Variants in EYA1 observed in about 807,000 individuals in gnomAD.
The protein encoded by EYA1 is EYA transcriptional coactivator and phosphatase 1, also known as protein phosphatase EYA1.
Under a neutral mutation model 82.0 loss-of-function variants are expected in EYA1, and 16 were observed. The ratio of observed to expected loss-of-function variants is 0.20; its 90% CI spans 0.13 to 0.30. The LOEUF (loss-of-function observed/expected upper bound fraction) is 0.30, where lower values mean the gene tolerates loss of function less well. Among genes scored for constraint, EYA1 ranks in the 10% least tolerant of loss-of-function variants. The pLI is 1.00. For missense variants in EYA1, 633 were observed against 730.7 expected (o/e 0.87, Z 1.54); for synonymous variants, 261 against 264.4 (o/e 0.99, Z 0.12).
chr8:71,331,060 C>T (rs1306385940), intron 4 of EYA1, among the ~76,000 whole-genome samples: 1 of 151,880 alleles, frequency 6.6e-6, no homozygotes, highest in East Asian at 1.9e-4. Flanking sequence ...GAAACCCCAT[C>T]TCTACTAAAA....
chr8:71,460,512 C>T (rs1302653943), intron 2 of EYA1, among the ~76,000 whole-genome samples: 1 of 152,124 alleles, frequency 6.6e-6, no homozygotes, highest in Non-Finnish European at 1.5e-5. Flanking sequence ...TTAGAAGGGC[C>T]AGGAGGAGGC....
rs968859311 is a variant in EYA1 at position 71,471,178 on chromosome 8, A to G, written c.33+64566T>C. 4.6e-5 allele frequency among the ~76,000 whole-genome samples: 7 copies of G among 152,020 alleles called. No individual in the cohort carries two copies. In the South Asian group the frequency reaches 1.2e-3, roughly 27 times the overall value. On this transcript the variant is annotated intron_variant, in intron 2 of 18. Transcript: ENST00000643681. ...AGGACTCAATTAGAAGAGAGTCTGA[A>G]TTGCCTCTTACTCTGGGGAAAGGGT...
At chr8:71,478,104 T>C (rs182808161) in intron 2 of EYA1, among the ~76,000 whole-genome samples, 43 of 152,326 alleles carry the variant, frequency 2.8e-4, no homozygotes, top group South Asian at 4.1e-4. Flanking sequence ...GATGGTTGCA[T>C]ACATTGTGAA....
intron 2 of EYA1, among the ~76,000 whole-genome samples, chr8:71,411,706 A>G (rs1267790317): frequency 6.8e-6 from 1 of 147,750 alleles, no homozygotes; most frequent in African/African-American, 2.5e-5. Flanking sequence ...TTAGAATGGC[A>G]ATCATTAAAA....
chr8:71,211,681 A>G (rs1465471269), intron 16 of EYA1, among the ~76,000 whole-genome samples: 1 of 152,228 alleles, frequency 6.6e-6, no homozygotes, highest in Admixed American at 6.5e-5. Context: ...TTCATATATC[A>G]AACTTTGAAA....
chr8:71,452,643 A>G (rs1807490045), intron 2 of EYA1, among the ~76,000 whole-genome samples: 1 of 152,182 alleles, frequency 6.6e-6, no homozygotes, highest in African/African-American at 2.4e-5. Context: ...TCCGCTGCTG[A>G]TACCCAGGCA....
chr8:71,383,129 C>G lies in EYA1; in HGVS notation c.34-26618G>C, dbSNP rs1269945415. ...TGCATTACCAATTTATAAACTATGA[C>G]CTCATTTATGAAAATACAAATTTAC... On this transcript the variant is annotated intron_variant, in intron 2 of 18. Transcript: ENST00000643681. Among the ~76,000 whole-genome samples the G allele has an allele frequency of 2.0e-5, 3 of 151,476 alleles. No homozygotes were observed. The East Asian group carries it at 5.8e-4, about 29-fold the overall frequency.
At chr8:71,202,417 A>G (rs1463336566) in intron 17 of EYA1, among the ~76,000 whole-genome samples, 1 of 152,094 alleles carries the variant, frequency 6.6e-6, no homozygotes, top group Non-Finnish European at 1.5e-5. Context: ...ACTCAACACT[A>G]TCGGGAAAGG....
intron 2 of EYA1, among the ~76,000 whole-genome samples, chr8:71,432,694 A>C (rs1284885549): frequency 6.6e-6 from 1 of 152,206 alleles, no homozygotes; most frequent in Non-Finnish European, 1.5e-5. Flanking sequence ...CTCTTTAAAG[A>C]ATCTCTTTTC....
At chr8:71,274,881 T>G (rs750756955) in intron 9 of EYA1, among the ~76,000 whole-genome samples, 22 of 142,458 alleles carry the variant, frequency 1.5e-4, no homozygotes, top group Non-Finnish European at 2.9e-4. Flanking sequence ...AGAGAGAGAG[T>G]GAGCGAGCGA....
At chr8:71,467,012 G>C (rs1808821828) in intron 2 of EYA1, among the ~76,000 whole-genome samples, 1 of 151,874 alleles carries the variant, frequency 6.6e-6, no homozygotes, top group South Asian at 2.1e-4. Flanking sequence ...ACACCAGTTG[G>C]GAATAAAAAG....
chr8:71,542,399 CT>C (rs1191245058), intron 1 of EYA1, among the ~76,000 whole-genome samples: 1 of 152,116 alleles, frequency 6.6e-6, no homozygotes, highest in Non-Finnish European at 1.5e-5. Flanking sequence ...TGACCTTATT[CT>C]TTTCTTGGCT....
intron 2 of EYA1, among the ~76,000 whole-genome samples, chr8:71,487,504 T>C (rs562618082): frequency 6.6e-6 from 1 of 152,338 alleles, no homozygotes; most frequent in African/African-American, 2.4e-5. Flanking sequence ...TGCCCTCCTA[T>C]AAGTTCTTGC....
At chr8:71,237,707 C>T (rs553858048) in intron 12 of EYA1, among the ~76,000 whole-genome samples, 2 of 152,272 alleles carry the variant, frequency 1.3e-5, no homozygotes, top group Admixed American at 6.5e-5. Context: ...ACTGGGTCCT[C>T]CTATGGGCCA....
chr8:71,384,030 A>G (rs978496887), intron 2 of EYA1, among the ~76,000 whole-genome samples: 1 of 150,502 alleles, frequency 6.6e-6, no homozygotes, highest in East Asian at 1.9e-4. Flanking sequence ...TTTTTTTTTT[A>G]AATTCATTGC....
chr8:71,390,261 T>C (rs1449007337), intron 2 of EYA1, among the ~76,000 whole-genome samples: 1 of 151,856 alleles, frequency 6.6e-6, no homozygotes, highest in African/African-American at 2.4e-5. Context: ...AAAAGTGAAA[T>C]TGGATAATTC....
chr8:71,199,144 A>G lies in EYA1; in HGVS notation c.*196T>C, dbSNP rs1806604868. 1.4e-5 allele frequency: 9 copies of G among 648,110 alleles called. No homozygotes were observed. The highest frequency in any genetic ancestry group is 2.2e-5 in the Non-Finnish European group (8 of 355,878). 40.1% of individuals were successfully genotyped at this position (648,110 alleles called of 1,614,324 possible). ...TTATTTTCACTGGATTCACAGTACTAGAGTCAACAGCTGTTCTGATGAAAT... is the reference window on the plus strand; with the variant it reads ...TTATTTTCACTGGATTCACAGTACTGGAGTCAACAGCTGTTCTGATGAAAT... On this transcript the variant is annotated 3_prime_UTR_variant, in exon 18 of 18. Coordinates refer to ENST00000340726, the MANE Select transcript of EYA1 (RefSeq NM_000503.6).
chr8:71,372,556 T>C (rs755014343), intron 2 of EYA1, among the ~76,000 whole-genome samples: 16 of 152,096 alleles, frequency 1.1e-4, no homozygotes, highest in Non-Finnish European at 2.2e-4. Context: ...CTGGTTCTTA[T>C]GGAAAAGGAA....
chr8:71,376,475 C>G (rs555728410), intron 2 of EYA1, among the ~76,000 whole-genome samples: 6 of 152,070 alleles, frequency 3.9e-5, no homozygotes, highest in Non-Finnish European at 8.8e-5. Context: ...GTAAGGAAGG[C>G]CGCTGTGTGG....
Sources: allele counts gnomAD v4.1 joint callset (sites outside exome capture counted in the v4.1 genomes callset), GRCh38; gene constraint gnomAD v4.1.1; transcripts MANE v1.5; gene names NCBI Gene and HGNC (gene_info 2026-07-23, HGNC 2026-07-21).